Variants in DAB1 observed in about 807,000 individuals in gnomAD.
The protein encoded by DAB1 is DAB adaptor protein 1.
In DAB1, 15 loss-of-function variants were observed where a neutral mutation model predicts 64.6. The observed-to-expected ratio is 0.23, with a 90% CI of 0.16 to 0.36. The LOEUF (loss-of-function observed/expected upper bound fraction) is 0.36, where lower values mean the gene tolerates loss of function less well. Among genes scored for constraint, DAB1 ranks in the 10% least tolerant of loss-of-function variants. The pLI, the probability that DAB1 is intolerant of heterozygous loss-of-function variation, is 1.00. For missense variants in DAB1, 596 were observed against 706.7 expected (o/e 0.84, Z 1.78); for synonymous variants, 235 against 251.9 (o/e 0.93, Z 0.64).
intron 3 of DAB1, among the ~76,000 whole-genome samples, chr1:58,444,464 G>A (rs756591316): frequency 3.9e-5 from 6 of 152,208 alleles, no homozygotes; most frequent in Non-Finnish European, 7.3e-5. Flanking sequence ...GCCTGACTCC[G>A]GATTTGGTGC....
At chr1:57,358,101 C>A (rs1283915216) in intron 1 of DAB1, among the ~76,000 whole-genome samples, 1 of 151,990 alleles carries the variant, frequency 6.6e-6, no homozygotes, top group Non-Finnish European at 1.5e-5. Context: ...CAAAGAGGGA[C>A]AATTTAACTT....
At chr1:57,333,073 C>T (rs1676808037) in intron 1 of DAB1, among the ~76,000 whole-genome samples, 1 of 152,208 alleles carries the variant, frequency 6.6e-6, no homozygotes. Flanking sequence ...AATGGACTTG[C>T]TTCCTAGACC....
chr1:57,908,250 G>A (rs1356530762), intron 5 of DAB1, among the ~76,000 whole-genome samples: 1 of 152,060 alleles, frequency 6.6e-6, no homozygotes, highest in African/African-American at 2.4e-5. Context: ...TGATGACTCT[G>A]GGAGACCTCC....
intron 7 of DAB1, among the ~76,000 whole-genome samples, chr1:57,483,538 C>T (rs753340147): frequency 1.1e-4 from 16 of 152,156 alleles, no homozygotes; most frequent in South Asian, 4.1e-4. Flanking sequence ...TACCCAGTCT[C>T]GGGTATGTCT....
chr1:57,213,683 G>T (rs1666202168), intron 2 of DAB1, among the ~76,000 whole-genome samples: 1 of 152,132 alleles, frequency 6.6e-6, no homozygotes, highest in African/African-American at 2.4e-5. Flanking sequence ...ACAAAGTTTG[G>T]GTAGCATCAC....
intron 4 of DAB1, among the ~76,000 whole-genome samples, chr1:58,197,540 C>T (rs958170398): frequency 2.6e-5 from 4 of 151,550 alleles, no homozygotes; most frequent in Non-Finnish European, 4.4e-5. Context: ...TACAGGTGCG[C>T]GCCACTACAC....
chr1:57,319,487 C>T (rs866185124), intron 1 of DAB1, among the ~76,000 whole-genome samples: 30 of 152,256 alleles, frequency 2.0e-4, no homozygotes, highest in African/African-American at 6.5e-4. Flanking sequence ...TGAAGCCCTC[C>T]CTAATTCCCT....
chr1:57,795,514 G>A (rs74719545), intron 6 of DAB1, among the ~76,000 whole-genome samples: 1 of 151,624 alleles, frequency 6.6e-6, no homozygotes, highest in East Asian at 2.0e-4. Context: ...AAGTTCTCAA[G>A]TACCAAAGAA....
chr1:57,177,975 T>C (rs1218840074), intron 2 of DAB1, among the ~76,000 whole-genome samples: 1 of 152,176 alleles, frequency 6.6e-6, no homozygotes, highest in East Asian at 1.9e-4. Flanking sequence ...TTTTATGGCA[T>C]GTTTATAAAA....
At chr1:58,484,854 C>T (rs1041933233) in intron 3 of DAB1, among the ~76,000 whole-genome samples, 3 of 152,008 alleles carry the variant, frequency 2.0e-5, no homozygotes, top group African/African-American at 7.2e-5. Context: ...CTGGAAAAGG[C>T]ACAACTATGG....
At chr1:57,463,957 AC>A (rs1283627956) in intron 7 of DAB1, among the ~76,000 whole-genome samples, 1 of 152,194 alleles carries the variant, frequency 6.6e-6, no homozygotes, top group Non-Finnish European at 1.5e-5. Context: ...CTTGTGTACA[AC>A]ATAGGCTATG....
At chr1:58,325,280 T>C (rs1662795702) in intron 4 of DAB1, among the ~76,000 whole-genome samples, 2 of 152,232 alleles carry the variant, frequency 1.3e-5, no homozygotes, top group Admixed American at 6.5e-5. Context: ...TCTTTGACTT[T>C]TATCATTTTT....
chr1:58,050,830 T>C (rs1647600990), intron 5 of DAB1, among the ~76,000 whole-genome samples: 2 of 152,086 alleles, frequency 1.3e-5, no homozygotes, highest in South Asian at 4.1e-4. Context: ...CACCCGGCCC[T>C]CATTGCTTTA....
At chr1:57,692,656 C>A (rs1457087522) in intron 6 of DAB1, among the ~76,000 whole-genome samples, 1 of 152,074 alleles carries the variant, frequency 6.6e-6, no homozygotes, top group East Asian at 1.9e-4. Flanking sequence ...TTATGTTGAA[C>A]TTTCAACCTA....
intron 1 of DAB1, among the ~76,000 whole-genome samples, chr1:57,384,396 T>G (rs1681627855): frequency 6.6e-6 from 1 of 152,176 alleles, no homozygotes; most frequent in Admixed American, 6.6e-5. Context: ...ATTCAGCAAT[T>G]CTACTTCTGA....
intron 5 of DAB1, among the ~76,000 whole-genome samples, chr1:57,911,028 T>C (rs1286981166): frequency 1.3e-5 from 2 of 152,222 alleles, no homozygotes; most frequent in Non-Finnish European, 2.9e-5. Context: ...ATTCATTCAG[T>C]CATCATTCAT....
intron 7 of DAB1, among the ~76,000 whole-genome samples, chr1:57,498,248 G>T (rs1255602066): frequency 6.6e-6 from 1 of 152,152 alleles, no homozygotes; most frequent in Non-Finnish European, 1.5e-5. Flanking sequence ...AAGAAATGTG[G>T]GTCTAGAGCT....
At chr1:57,163,932 G>C (rs979523889) in intron 2 of DAB1, among the ~76,000 whole-genome samples, 1 of 152,124 alleles carries the variant, frequency 6.6e-6, no homozygotes, top group African/African-American at 2.4e-5. Context: ...GTTGTGTGGA[G>C]AGTATGCAGG....
intron 5 of DAB1, among the ~76,000 whole-genome samples, chr1:57,973,818 T>C (rs1645855419): frequency 6.6e-6 from 1 of 152,166 alleles, no homozygotes; most frequent in Non-Finnish European, 1.5e-5. Context: ...CCAAGCAGTC[T>C]CTGTCACCAT....
Sources: allele counts gnomAD v4.1 joint callset (sites outside exome capture counted in the v4.1 genomes callset), GRCh38; gene constraint gnomAD v4.1.1; transcripts MANE v1.5; gene names NCBI Gene and HGNC (gene_info 2026-07-23, HGNC 2026-07-21).